The following PCDHA2 variants were observed in gnomAD, a reference collection of about 807,000 sequenced individuals.
The protein encoded by PCDHA2 is protocadherin alpha 2.
Under a neutral mutation model 66.0 loss-of-function variants are expected in PCDHA2, and 58 were observed. The ratio of observed to expected loss-of-function variants is 0.88; its 90% confidence interval spans 0.71 to 1.09. PCDHA2 has a LOEUF of 1.09. PCDHA2 is among the 50% of genes least tolerant of loss of function. PCDHA2 has a pLI of 0.00. For missense variants in PCDHA2, 1,267 were observed against 1,242.3 expected, an observed-to-expected ratio of 1.02 and a Z score of -0.30; for synonymous variants, 634 against 554.0, an observed-to-expected ratio of 1.14 and a Z score of -2.03.
chr5:140,817,488 G>A (rs1554127270), intron 1 of PCDHA2: 3 of 152,116 alleles, frequency 2.0e-5, no homozygotes, highest in Non-Finnish European at 4.4e-5. Context: ...ATCTTTTTAA[G>A]CTATATATGC....
At chr5:140,802,285 C>A (rs958561465) in intron 1 of PCDHA2, 1 of 1,614,230 alleles carries the variant, frequency 6.2e-7, no homozygotes, top group Non-Finnish European at 8.5e-7. Flanking sequence ...TTAGAAGACT[C>A]TCCACTTAGC....
At chr5:140,899,251 G>A (rs1322090098) in intron 1 of PCDHA2, among the ~76,000 whole-genome samples, 1 of 152,082 alleles carries the variant, frequency 6.6e-6, no homozygotes, top group Non-Finnish European at 1.5e-5. Flanking sequence ...GTGAGAGAGG[G>A]CATCCCTGTC....
intron 1 of PCDHA2, chr5:140,858,022 G>A (rs1554151044): frequency 1.3e-6 from 2 of 1,597,054 alleles, no homozygotes; most frequent in Non-Finnish European, 8.6e-7. Flanking sequence ...AGCCGTCGCT[G>A]ACGGCCACGG....
chr5:140,894,584 T>G (rs1554186162), intron 1 of PCDHA2, among the ~76,000 whole-genome samples: 1 of 152,006 alleles, frequency 6.6e-6, no homozygotes, highest in Non-Finnish European at 1.5e-5. Flanking sequence ...TTTTAATATT[T>G]TACTGAGTTT....
At chr5:141,000,595 T>G (rs1438785385) in intron 3 of PCDHA2, among the ~76,000 whole-genome samples, 1 of 150,924 alleles carries the variant, frequency 6.6e-6, no homozygotes, top group African/African-American at 2.4e-5. Context: ...GCCCAGCTAA[T>G]TTTTGTATTT....
intron 2 of PCDHA2, among the ~76,000 whole-genome samples, chr5:140,980,777 A>C (rs2096905451): frequency 6.6e-6 from 1 of 152,244 alleles, no homozygotes; most frequent in Non-Finnish European, 1.5e-5. Flanking sequence ...ATTGAAATTA[A>C]AATGCCATTT....
chr5:140,893,662 A>T (rs1462433571), intron 1 of PCDHA2, among the ~76,000 whole-genome samples: 5 of 152,204 alleles, frequency 3.3e-5, no homozygotes, highest in African/African-American at 1.2e-4. Context: ...GTTTTAAAAA[A>T]TTTCAGCACT....
At chr5:140,947,341 A>C (rs1159995588) in intron 1 of PCDHA2, among the ~76,000 whole-genome samples, 1 of 151,806 alleles carries the variant, frequency 6.6e-6, no homozygotes, top group East Asian at 1.9e-4. Context: ...TGTGGGCTTA[A>C]TTCTGGACTC....
intron 1 of PCDHA2, among the ~76,000 whole-genome samples, chr5:140,978,640 G>T (rs1339340351): frequency 6.6e-6 from 1 of 152,252 alleles, no homozygotes; most frequent in African/African-American, 2.4e-5. Flanking sequence ...TCTCAAAGCA[G>T]ACTGTTCTTC....
intron 1 of PCDHA2, among the ~76,000 whole-genome samples, chr5:140,953,431 G>A (rs782512202): frequency 6.6e-5 from 10 of 152,088 alleles, no homozygotes; most frequent in Non-Finnish European, 1.2e-4. Flanking sequence ...TTGTCCTTAA[G>A]CTGGAGAAAC....
chr5:140,922,477 C>T (rs1233589980), intron 1 of PCDHA2, among the ~76,000 whole-genome samples: 2 of 152,124 alleles, frequency 1.3e-5, no homozygotes, highest in African/African-American at 2.4e-5. Context: ...GGAGAGAAGG[C>T]AGGACTAAAT....
chr5:140,976,378 C>G (rs908008970), intron 1 of PCDHA2, among the ~76,000 whole-genome samples: 2 of 151,926 alleles, frequency 1.3e-5, no homozygotes, highest in Non-Finnish European at 2.9e-5. Flanking sequence ...TGGTGAAACC[C>G]CATCTCTACT....
intron 1 of PCDHA2, chr5:140,823,650 G>C: frequency 6.2e-7 from 1 of 1,613,996 alleles, no homozygotes; most frequent in Non-Finnish European, 8.5e-7. Flanking sequence ...GCGTGGGGCT[G>C]TACACAGGCG....
intron 1 of PCDHA2, chr5:140,803,604 T>C: frequency 6.2e-7 from 1 of 1,614,180 alleles, no homozygotes; most frequent in Non-Finnish European, 8.5e-7. Flanking sequence ...GAGTAATTTT[T>C]ATTTATTCTT....
chr5:140,801,192 C>A, intron 1 of PCDHA2: 2 of 1,584,552 alleles, frequency 1.3e-6, no homozygotes, highest in South Asian at 1.1e-5. Context: ...TTGGAAAATA[C>A]TTGCAATGTT....
Position 140,852,025 on chromosome 5 carries a change from G to A in PCDHA2, c.2388+54673G>A, listed in dbSNP as rs955032010. 1.9e-4 allele frequency: 179 copies of A among 947,094 alleles called. 7 individuals are homozygous for A. The highest frequency in any genetic ancestry group is 4.5e-4 in the African/African-American group (25 of 55,960). The allele number at this position is 947,094 out of a possible 1,614,324, so 58.7% of individuals were successfully genotyped here. A position where few individuals can be genotyped will look rare whatever the true frequency, so the allele number is the denominator to read the frequency against. On this transcript the variant is annotated intron_variant, in intron 1 of 3. Coordinates refer to ENST00000526136, the MANE Select transcript of PCDHA2 (RefSeq NM_018905.3). ...TCTAATTTATAGTTTTAAAAACTTC[G>A]CTTATTGAGTTTTTGTTATGTGGTT...
chr5:140,851,837 A>G (rs2042175202), intron 1 of PCDHA2: 1 of 970,268 alleles, frequency 1.0e-6, no homozygotes, highest in Non-Finnish European at 1.2e-6. Context: ...TTTTAAAAAT[A>G]TCTTTTTCTC....
At chr5:140,955,407 C>T (rs1453424058) in intron 1 of PCDHA2, among the ~76,000 whole-genome samples, 1 of 152,098 alleles carries the variant, frequency 6.6e-6, no homozygotes, top group African/African-American at 2.4e-5. Flanking sequence ...ATACAGTTCT[C>T]ATGATAGTGA....
intron 1 of PCDHA2, chr5:140,968,975 T>G (rs782002097): frequency 2.5e-6 from 4 of 1,614,168 alleles, no homozygotes; most frequent in Non-Finnish European, 3.4e-6. Context: ...CTACACTGCG[T>G]ATGGCACTGC....
Sources: gnomAD v4.1 joint callset for allele counts (sites outside exome capture counted in the v4.1 genomes callset) on GRCh38, gnomAD v4.1.1 for gene constraint, MANE v1.5 for transcripts, NCBI Gene and HGNC (gene_info 2026-07-23, HGNC 2026-07-21) for gene names.